CLASP1: variants seen among roughly 807,000 people sequenced by gnomAD.
CLASP1 encodes the protein CLIP-associating protein 1.
CLASP1 carries 38 observed loss-of-function variants against 192.3 expected under a neutral mutation model. The observed-to-expected ratio is 0.20, with a 90% CI of 0.15 to 0.26. The LOEUF (loss-of-function observed/expected upper bound fraction) is 0.26. Among genes scored for constraint, CLASP1 ranks in the 10% least tolerant of loss-of-function variants. CLASP1 has a pLI of 1.00. For synonymous variants in CLASP1, 691 were observed against 712.8 expected, an observed-to-expected ratio of 0.97 and a Z score of 0.49; for missense variants, 1,433 against 1,932.5, an observed-to-expected ratio of 0.74 and a Z score of 4.85.
chr2:121,384,702 G>A (rs2072785967), intron 32 of CLASP1, among the ~76,000 whole-genome samples: 2 of 152,044 alleles, frequency 1.3e-5, no homozygotes, highest in Non-Finnish European at 1.5e-5. Flanking sequence ...TCAGGAGTTC[G>A]AGACTCCGTT....
intron 2 of CLASP1, among the ~76,000 whole-genome samples, chr2:121,546,476 G>GA (rs773240382): frequency 6.6e-6 from 1 of 151,958 alleles, no homozygotes; most frequent in Non-Finnish European, 1.5e-5. Context: ...GGAAAACGGA[G>GA]AAAAGCAAGG....
chr2:121,473,588 C>G (rs1393106940), intron 8 of CLASP1, among the ~76,000 whole-genome samples: 1 of 152,082 alleles, frequency 6.6e-6, no homozygotes, highest in Non-Finnish European at 1.5e-5. Context: ...CAAAACATTT[C>G]CAAATTTGAT....
Position 121,482,598 on chromosome 2 carries a change from G to A in CLASP1, c.713-12638C>T, listed in dbSNP as rs138839639. Among the ~76,000 whole-genome samples the A allele has an allele frequency of 1.8e-4, 28 of 152,268 alleles. 1 individual carries two copies. Among genetic ancestry groups the A allele is most frequent in the African/African-American group, 6.5e-4 (27 of 41,556 alleles). ...AAAGAGACTGGTACTTTAATATCCA[G>A]AGTACCAAAGAGCACCCTAGGGGGT... On this transcript the variant is annotated intron_variant, in intron 8 of 39. Coordinates refer to ENST00000263710, the Ensembl canonical transcript of CLASP1.
intron 9 of CLASP1, among the ~76,000 whole-genome samples, chr2:121,469,235 C>G (rs768256229): frequency 8.6e-4 from 131 of 152,132 alleles, no homozygotes; most frequent in Non-Finnish European, 1.4e-3. Context: ...CTACTTCATG[C>G]TGCCACCCAA....
At chr2:121,525,007 G>C (rs947045965) in intron 6 of CLASP1, among the ~76,000 whole-genome samples, 1 of 152,154 alleles carries the variant, frequency 6.6e-6, no homozygotes, top group African/African-American at 2.4e-5. Context: ...TAGAAGGCCA[G>C]CCTGATACAA....
At chr2:121,470,024 T>A in intron 8 of CLASP1, 64 bp from the exon 9 acceptor site, 1 of 1,244,302 alleles carries the variant, frequency 8.0e-7, no homozygotes, top group Non-Finnish European at 1.1e-6. Flanking sequence ...CATATATATA[T>A]ACTTTTTCAC....
chr2:121,423,006 T>C (rs1242191362), intron 22 of CLASP1, among the ~76,000 whole-genome samples: 2 of 152,100 alleles, frequency 1.3e-5, no homozygotes, highest in Non-Finnish European at 2.9e-5. Context: ...ATCCAGTATA[T>C]ACTAAATGAT....
intron 1 of CLASP1, among the ~76,000 whole-genome samples, chr2:121,647,485 T>C (rs1458055232): frequency 6.6e-6 from 1 of 152,224 alleles, no homozygotes; most frequent in Non-Finnish European, 1.5e-5. Context: ...GTCAAACTAT[T>C]TTAAGGGTCT....
In CLASP1 at chr2:121,361,104, C is replaced by T. The variant is rs140455271; in HGVS notation, c.4206+2068G>A. Among the ~76,000 whole-genome samples the T allele has an allele frequency of 4.4e-4, 67 of 152,298 alleles. 2 individuals are homozygous for T. The East Asian group carries it at 0.012, about 26-fold the overall frequency. ...TAAGTGCGTGCCAAGACACCATGGA[C>T]GGCTTGGCATTTCATTTAAATGCCC... On this transcript the variant is annotated intron_variant, in intron 37 of 39. Coordinates refer to ENST00000263710, the Ensembl canonical transcript of CLASP1.
At chr2:121,384,962 G>A (rs532410994) in intron 32 of CLASP1, among the ~76,000 whole-genome samples, 1 of 152,162 alleles carries the variant, frequency 6.6e-6, no homozygotes, top group Non-Finnish European at 1.5e-5. Flanking sequence ...AAATAACACT[G>A]TCTGGTCAAG....
At chr2:121,647,089 C>T (rs962681889) in intron 1 of CLASP1, among the ~76,000 whole-genome samples, 8 of 151,448 alleles carry the variant, frequency 5.3e-5, no homozygotes, top group South Asian at 2.1e-4. Flanking sequence ...AAACATGGGC[C>T]GAGCGCGATT....
intron 32 of CLASP1, among the ~76,000 whole-genome samples, chr2:121,383,876 T>C (rs2072394426): frequency 6.6e-6 from 1 of 151,662 alleles, no homozygotes. Flanking sequence ...AGGAAGTTTA[T>C]TCTTTCACAC....
intron 30 of CLASP1, among the ~76,000 whole-genome samples, chr2:121,391,774 T>A (rs973913318): frequency 3.3e-5 from 5 of 152,084 alleles, no homozygotes; most frequent in Non-Finnish European, 7.4e-5. Context: ...TGTGGTGGCA[T>A]GTGCCTGTAA....
rs146096569 is a variant in CLASP1, at chr2:121,413,892, C to T, written c.2321-2923G>A. Among the ~76,000 whole-genome samples the T allele has an allele frequency of 5.3e-4, 81 of 152,234 alleles. No individual in the cohort carries two copies. The Middle Eastern group carries it at 0.014, about 26-fold the overall frequency. ...GGACAGAGTGGCAGGAAGGGAATTA[C>T]TTCCCTGTTGTTTTAACGTAAATAT... On this transcript the variant is annotated intron_variant, in intron 23 of 39. Coordinates refer to ENST00000263710, the Ensembl canonical transcript of CLASP1.
chr2:121,528,712 G>A, exon 4 of CLASP1: 1 of 1,614,014 alleles, frequency 6.2e-7, no homozygotes, highest in Non-Finnish European at 8.5e-7. Context: ...ATCTTTAGCA[G>A]CAGAGTTTGG....
chr2:121,567,099 A>G (rs1048281484), intron 2 of CLASP1, among the ~76,000 whole-genome samples: 2 of 152,222 alleles, frequency 1.3e-5, no homozygotes, highest in African/African-American at 4.8e-5. Context: ...AGCAACTAAC[A>G]AGATGGTTGT....
intron 7 of CLASP1, among the ~76,000 whole-genome samples, chr2:121,512,506 C>A (rs2094168117): frequency 6.6e-6 from 1 of 152,140 alleles, no homozygotes; most frequent in Non-Finnish European, 1.5e-5. Flanking sequence ...ATATTCTATA[C>A]CTTTAGGGCC....
At chr2:121,557,524 C>T (rs775280446) in intron 2 of CLASP1, among the ~76,000 whole-genome samples, 4 of 151,750 alleles carry the variant, frequency 2.6e-5, no homozygotes, top group Non-Finnish European at 4.4e-5. Context: ...GCGGAGGTTG[C>T]AGTGACCCAA....
chr2:121,630,461 G>C (rs1046366530), intron 1 of CLASP1, among the ~76,000 whole-genome samples: 18 of 150,002 alleles, frequency 1.2e-4, no homozygotes, highest in African/African-American at 4.5e-4. Context: ...TCTGTATCTA[G>C]TACCCATCTC....
Sources: gnomAD v4.1 joint callset for allele counts (sites outside exome capture counted in the v4.1 genomes callset) on GRCh38, gnomAD v4.1.1 for gene constraint, MANE v1.5 for transcripts, NCBI Gene and HGNC (gene_info 2026-07-23, HGNC 2026-07-21) for gene names.